The following BIN2 variants were observed in gnomAD, a reference collection of about 807,000 sequenced individuals.
The protein encoded by BIN2 is breast cancer associated protein BRAP1.
Under a neutral mutation model 67.9 loss-of-function variants are expected in BIN2, and 43 were observed. The ratio of observed to expected loss-of-function variants is 0.63; its 90% confidence interval spans 0.50 to 0.82. BIN2 has a LOEUF of 0.82. Ranked by LOEUF, BIN2 falls within the 40% of genes least tolerant of loss-of-function variation. BIN2 has a pLI of 0.00. For missense variants in BIN2, 581 were observed against 671.6 expected (o/e 0.87, Z 1.49); for synonymous variants, 244 against 246.8 (o/e 0.99, Z 0.11).
At position 51,291,930 on chromosome 12, in the gene BIN2, G is replaced by A. The variant is rs145178409; in HGVS notation, c.1176C>T (p.Arg392=). 5 of 1,614,038 alleles carry A rather than the reference G, an allele frequency of 3.1e-6. No homozygotes were observed. In the African/African-American group the frequency reaches 6.7e-5, roughly 22 times the overall value. The change falls in exon 10 of 13, where the codon CGC becomes CGT. Residue 392 remains arginine (R), a synonymous_variant. Transcript: ENST00000615107. ...SSATEVVLRT[R]TASEGSEQPK... is the part of the protein sequence containing the mutation. ...GTTGTTCAGATCCTTCACTTGCGGT[G>A]CGGGTTCGGAGGACTACTTCTGTGG...
intron 9 of BIN2, among the ~76,000 whole-genome samples, chr12:51,292,991 C>T (rs1487877994): frequency 6.6e-6 from 1 of 152,020 alleles, no homozygotes; most frequent in African/African-American, 2.4e-5. Flanking sequence ...GCATGAGTTA[C>T]AATGCTGCTG....
At position 51,323,905 on chromosome 12, in the gene BIN2, G is replaced by A. The variant is rs550406511; in HGVS notation, c.81+117C>T. 22 of 1,250,604 alleles carry A rather than the reference G, an allele frequency of 1.8e-5. No homozygotes were observed. The East Asian group carries it at 4.1e-4, about 24-fold the overall frequency. 77.5% of individuals were successfully genotyped at this position (1,250,604 alleles called of 1,614,324 possible). A position where few individuals can be genotyped will look rare whatever the true frequency, so the allele number is the denominator to read the frequency against. On this transcript the variant is annotated intron_variant, in intron 1 of 12. Transcript: ENST00000615107. ...CCTGGGAGAGCGGGAGACCCTTCTC[G>A]TCAGCCCAGACCCTTCGGGGCCCCT...
chr12:51,324,415 C>A (rs189114235), upstream of BIN2: 1 of 1,406,756 alleles, frequency 7.1e-7, no homozygotes, highest in South Asian at 1.4e-5. Flanking sequence ...CACACTCACT[C>A]GCTCCGGAAA....
chr12:51,299,720 C>G lies in BIN2; in HGVS notation c.409-6G>C, dbSNP rs1945673469. 6.2e-7 allele frequency: 1 copy of G among 1,613,606 alleles called. No homozygotes were observed. The highest frequency in any genetic ancestry group is 1.3e-5 in the African/African-American group (1 of 74,886). On this transcript the variant is annotated splice_polypyrimidine_tract_variant and splice_region_variant and intron_variant, in intron 5 of 12. Coordinates refer to ENST00000615107, the MANE Select transcript of BIN2 (RefSeq NM_016293.4). Reference sequence around the variant, plus strand: ...CCCCGCTTGGCAATTCTCTCCTGACCCAGGGTAATGAGAAAGGGTGTGGAT... The same window carrying G: ...CCCCGCTTGGCAATTCTCTCCTGACGCAGGGTAATGAGAAAGGGTGTGGAT...
intron 12 of BIN2, among the ~76,000 whole-genome samples, chr12:51,282,655 GC>G (rs1945142797): frequency 6.6e-6 from 1 of 152,058 alleles, no homozygotes; most frequent in Non-Finnish European, 1.5e-5. Context: ...GAGTGCAGTG[GC>G]ACAATCCTGG....
Position 51,319,776 on chromosome 12 carries a change from C to T in BIN2, c.81+4246G>A, listed in dbSNP as rs537775972. On this transcript the variant is annotated intron_variant, in intron 1 of 12. Coordinates refer to ENST00000615107, the MANE Select transcript of BIN2 (RefSeq NM_016293.4). Reference sequence around the variant, plus strand: ...AATAGAGCTTTAAAAAAAATTACTACATATATCTTTGGTGGCTATAGTTCC... The same window carrying T: ...AATAGAGCTTTAAAAAAAATTACTATATATATCTTTGGTGGCTATAGTTCC... Among the ~76,000 whole-genome samples, 17 of 152,254 alleles carry T rather than the reference C, an allele frequency of 1.1e-4. 1 individual carries two copies. The highest frequency in any genetic ancestry group is 3.4e-3 in the Middle Eastern group (1 of 294).
chr12:51,286,095 A>G (rs766220147), intron 11 of BIN2, among the ~76,000 whole-genome samples: 3 of 152,200 alleles, frequency 2.0e-5, no homozygotes, highest in Non-Finnish European at 4.4e-5. Context: ...TTCAAATGGT[A>G]AGCAAGAACA....
At chr12:51,308,636 T>C (rs1945926912) in intron 2 of BIN2, among the ~76,000 whole-genome samples, 1 of 152,134 alleles carries the variant, frequency 6.6e-6, no homozygotes, top group Non-Finnish European at 1.5e-5. Flanking sequence ...TTAATGTAGA[T>C]CTAGGAGGGA....
chr12:51,317,931 TG>T (rs1410969480), intron 1 of BIN2, among the ~76,000 whole-genome samples: 1 of 151,904 alleles, frequency 6.6e-6, no homozygotes, highest in African/African-American at 2.4e-5. Context: ...GAGCTTGCAG[TG>T]ACCCGAGATA....
Position 51,292,302 on chromosome 12 carries a change from T to C in BIN2, c.804A>G (p.Thr268=). The C allele has an allele frequency of 6.3e-7, 1 of 1,597,508 alleles. No homozygotes were observed. Among genetic ancestry groups the C allele is most frequent in the Non-Finnish European group, 8.5e-7 (1 of 1,177,920 alleles). ...AGGTAAGAGGACTGGAGACTGTAGCTGTTCGAACTGGGGGAGAAATGACTA... is the reference window on the plus strand; with the variant it reads ...AGGTAAGAGGACTGGAGACTGTAGCCGTTCGAACTGGGGGAGAAATGACTA... ...RSLVISPPVR[T]ATVSSPLTSP... is the part of the protein sequence containing the mutation. The change falls in exon 10 of 13, where the codon ACA becomes ACG. Residue 268 remains threonine, a synonymous_variant. Coordinates refer to ENST00000615107, the MANE Select transcript of BIN2 (RefSeq NM_016293.4).
intron 2 of BIN2, among the ~76,000 whole-genome samples, chr12:51,308,260 T>A (rs1046011982): frequency 6.6e-6 from 1 of 152,202 alleles, no homozygotes; most frequent in African/African-American, 2.4e-5. Context: ...CTTCTCTGCC[T>A]TCCATTTCTT....
upstream of BIN2, chr12:51,324,332 C>G (rs1327969016): frequency 8.3e-6 from 11 of 1,331,648 alleles, no homozygotes; most frequent in South Asian, 1.6e-5. Context: ...AGCGCTCGCT[C>G]GAGGCCAGCT....
intron 7 of BIN2, among the ~76,000 whole-genome samples, chr12:51,298,120 T>A (rs1565678253): frequency 6.6e-6 from 1 of 152,110 alleles, no homozygotes; most frequent in Non-Finnish European, 1.5e-5. Flanking sequence ...ACGCGTGTAA[T>A]CCCAGCACTT....
chr12:51,305,937 G>A (rs962855235), intron 2 of BIN2, among the ~76,000 whole-genome samples: 9 of 145,754 alleles, frequency 6.2e-5, no homozygotes, highest in East Asian at 2.1e-4. Flanking sequence ...GGGTTCAAGC[G>A]ACAATTCTCC....
At chr12:51,319,187 A>G (rs1346076481) in intron 1 of BIN2, among the ~76,000 whole-genome samples, 1 of 152,238 alleles carries the variant, frequency 6.6e-6, no homozygotes, top group East Asian at 1.9e-4. Flanking sequence ...GTCTAGAGTC[A>G]GTGTAAGGGA....
chr12:51,286,390 A>G (rs1592248024), intron 11 of BIN2, among the ~76,000 whole-genome samples: 1 of 152,334 alleles, frequency 6.6e-6, no homozygotes, highest in East Asian at 1.9e-4. Flanking sequence ...AGGAAATATT[A>G]TAAATCTAAA....
chr12:51,295,003 G>A (rs1160954876), intron 9 of BIN2, among the ~76,000 whole-genome samples: 1 of 152,116 alleles, frequency 6.6e-6, no homozygotes, highest in African/African-American at 2.4e-5. Flanking sequence ...CATGATCATA[G>A]CTCACTGCAC....
At chr12:51,285,250 A>G (rs551512998) in intron 11 of BIN2, among the ~76,000 whole-genome samples, 1 of 152,274 alleles carries the variant, frequency 6.6e-6, no homozygotes, top group South Asian at 2.1e-4. Context: ...CTTTGGGAAA[A>G]ATTTTAGGTT....
chr12:51,324,012 G>C lies in BIN2; in HGVS notation c.81+10C>G, dbSNP rs1946363205. On this transcript the variant is annotated intron_variant, in intron 1 of 12. Coordinates refer to ENST00000615107, the MANE Select transcript of BIN2 (RefSeq NM_016293.4). Reference sequence around the variant, plus strand: ...GTGGGCCAGACAGACAGCGAGGCCCGGCCACCTACCTTCTCCTGGGCCCTG... The same window carrying C: ...GTGGGCCAGACAGACAGCGAGGCCCCGCCACCTACCTTCTCCTGGGCCCTG... 2 of 1,612,580 alleles carry C rather than the reference G, an allele frequency of 1.2e-6. No individual in the cohort carries two copies. The highest frequency in any genetic ancestry group is 2.2e-5 in the South Asian group (2 of 91,016).
Sources: gnomAD v4.1 joint callset for allele counts (sites outside exome capture counted in the v4.1 genomes callset) on GRCh38, gnomAD v4.1.1 for gene constraint, MANE v1.5 for transcripts, NCBI Gene and HGNC (gene_info 2026-07-23, HGNC 2026-07-21) for gene names.